Variants in WDR70 observed in about 807,000 individuals in gnomAD.
WDR70 encodes the protein WD repeat-containing protein 70.
WDR70 carries 53 observed loss-of-function variants against 88.6 expected under a neutral mutation model. The ratio of observed to expected loss-of-function variants is 0.60; its 90% CI spans 0.48 to 0.75. The LOEUF (loss-of-function observed/expected upper bound fraction) is 0.75, where lower values mean the gene tolerates loss of function less well. WDR70 is among the 30% of genes least tolerant of loss of function. The pLI is 0.00. For missense variants in WDR70, 610 were observed against 823.2 expected, an observed-to-expected ratio of 0.74 and a Z score of 3.17; for synonymous variants, 280 against 270.0, an observed-to-expected ratio of 1.04 and a Z score of -0.36.
chr5:37,551,053 C>T (rs2112348661), intron 9 of WDR70, among the ~76,000 whole-genome samples: 1 of 152,234 alleles, frequency 6.6e-6, no homozygotes, highest in South Asian at 2.1e-4. Flanking sequence ...GCCTGTAATC[C>T]CAGCACTTTG....
intron 9 of WDR70, among the ~76,000 whole-genome samples, chr5:37,565,728 A>G (rs1226344710): frequency 6.6e-6 from 1 of 152,108 alleles, no homozygotes; most frequent in Non-Finnish European, 1.5e-5. Flanking sequence ...AAAATCTTCA[A>G]TTGTTTAGTG....
At chr5:37,432,237 A>G (rs1012336152) in intron 5 of WDR70, among the ~76,000 whole-genome samples, 9 of 152,318 alleles carry the variant, frequency 5.9e-5, no homozygotes, top group South Asian at 2.1e-4. Context: ...TTTATTTGAT[A>G]GTAAAAGTTT....
intron 7 of WDR70, among the ~76,000 whole-genome samples, chr5:37,478,586 A>G (rs1232699839): frequency 6.6e-6 from 1 of 152,230 alleles, no homozygotes; most frequent in East Asian, 1.9e-4. Context: ...CATTGTGAAG[A>G]TGGGGAAATT....
At chr5:37,469,290 A>T (rs1229660100) in intron 7 of WDR70, among the ~76,000 whole-genome samples, 1 of 152,190 alleles carries the variant, frequency 6.6e-6, no homozygotes, top group African/African-American at 2.4e-5. Context: ...TCCTGCTGAT[A>T]CAGGACCAAA....
At chr5:37,602,758 C>T (rs1317134107) in intron 9 of WDR70, among the ~76,000 whole-genome samples, 1 of 151,966 alleles carries the variant, frequency 6.6e-6, no homozygotes, top group East Asian at 1.9e-4. Flanking sequence ...GCGGGTGGAT[C>T]ACAAGGTCAG....
intron 8 of WDR70, among the ~76,000 whole-genome samples, chr5:37,512,575 C>G (rs1459021329): frequency 1.3e-5 from 2 of 148,320 alleles, no homozygotes; most frequent in Non-Finnish European, 3.0e-5. Context: ...CACAGAATTG[C>G]ATCTAGAATT....
chr5:37,625,072 G>C (rs896856256), intron 10 of WDR70, among the ~76,000 whole-genome samples: 1 of 152,156 alleles, frequency 6.6e-6, no homozygotes, highest in Non-Finnish European at 1.5e-5. Flanking sequence ...AGTTTCTATG[G>C]CTAGCTTCTG....
At chr5:37,388,958 A>G (rs1444691569) in intron 3 of WDR70, among the ~76,000 whole-genome samples, 1 of 152,076 alleles carries the variant, frequency 6.6e-6, no homozygotes, top group East Asian at 1.9e-4. Context: ...TTTCCTGATT[A>G]GTAATATAAT....
intron 13 of WDR70, among the ~76,000 whole-genome samples, chr5:37,713,801 A>G (rs1043106554): frequency 5.3e-5 from 8 of 152,146 alleles, no homozygotes; most frequent in Non-Finnish European, 1.2e-4. Context: ...ATCACATCCC[A>G]CTGATGGACC....
chr5:37,478,140 A>G (rs1046920528), intron 7 of WDR70, among the ~76,000 whole-genome samples: 5 of 152,214 alleles, frequency 3.3e-5, no homozygotes, highest in South Asian at 2.1e-4. Flanking sequence ...CTTTCACGCT[A>G]TAGTCTTTAA....
chr5:37,729,995 A>C (rs796320589), intron 17 of WDR70, among the ~76,000 whole-genome samples: 12 of 152,152 alleles, frequency 7.9e-5, no homozygotes, highest in African/African-American at 2.9e-4. Flanking sequence ...ATCTTCTTAC[A>C]TCCCCGTATT....
rs370830073 is a variant in WDR70 at position 37,479,827 on chromosome 5, C to T, written c.687-7C>T. ...ATCTTACCAACTTTCCTTTTCTTTT[C>T]GTACAGCCATCAGATCAAGTCATTA... On this transcript the variant is annotated splice_region_variant and splice_polypyrimidine_tract_variant and intron_variant, in intron 7 of 17. Coordinates refer to ENST00000265107, the MANE Select transcript of WDR70 (RefSeq NM_018034.4). 22 of 1,601,916 alleles carry T rather than the reference C, an allele frequency of 1.4e-5. No individual in the cohort carries two copies. Among genetic ancestry groups the T allele is most frequent in the African/African-American group, 4.0e-5 (3 of 74,150 alleles).
At chr5:37,551,768 G>GTTTTTTTTT (rs1176757597) in intron 9 of WDR70, among the ~76,000 whole-genome samples, 1 of 92,728 alleles carries the variant, frequency 1.1e-5, no homozygotes, top group Admixed American at 1.4e-4. Flanking sequence ...TCATTGTTTA[G>GTTTTTTTTT]TTTTTTTTTT....
At chr5:37,425,143 G>A (rs1257919117) in intron 5 of WDR70, among the ~76,000 whole-genome samples, 1 of 152,182 alleles carries the variant, frequency 6.6e-6, no homozygotes, top group Non-Finnish European at 1.5e-5. Context: ...CCACTCAGGC[G>A]GCTAAGGTGG....
intron 5 of WDR70, among the ~76,000 whole-genome samples, chr5:37,414,309 T>C (rs1749625554): frequency 6.6e-5 from 10 of 152,184 alleles, no homozygotes; most frequent in Admixed American, 6.5e-4. Context: ...TCTAGCCACA[T>C]TGATCTTTCT....
At chr5:37,417,440 G>C (rs140183657) in intron 5 of WDR70, among the ~76,000 whole-genome samples, 1 of 151,902 alleles carries the variant, frequency 6.6e-6, no homozygotes, top group African/African-American at 2.4e-5. Flanking sequence ...GCCCAGGCTG[G>C]TCTCGAACTC....
intron 8 of WDR70, among the ~76,000 whole-genome samples, chr5:37,493,238 A>C (rs148005811): frequency 6.6e-6 from 1 of 152,180 alleles, no homozygotes; most frequent in Non-Finnish European, 1.5e-5. Context: ...GTCTGTCACA[A>C]TGTGGCTACA....
intron 5 of WDR70, among the ~76,000 whole-genome samples, chr5:37,400,260 G>A (rs1425667304): frequency 1.3e-5 from 2 of 152,048 alleles, no homozygotes; most frequent in African/African-American, 4.8e-5. Flanking sequence ...TAAAAGATAA[G>A]TAATACAAAT....
chr5:37,381,626 T>A lies in WDR70; in HGVS notation c.116T>A (p.Leu39Ter). Residue 39 changes from leucine (L) to a stop codon, truncating the protein, a stop_gained, in exon 3 of 18, where the codon TTG becomes TAG. Transcript: ENST00000265107. LOFTEE classifies it high-confidence loss of function. ...GGTAAAAAAGCTCGCACATTTGACT[T>A]GGAAGCAATGTTTGAACAAACTCGA... ...GFGKKARTFDLEAMFEQTRRT... is the reference protein window; with the variant it reads ...GFGKKARTFD The A allele has an allele frequency of 6.2e-7, 1 of 1,611,926 alleles. No homozygotes were observed. Among genetic ancestry groups the A allele is most frequent in the South Asian group, 1.1e-5 (1 of 91,040 alleles).
Sources: allele counts gnomAD v4.1 joint callset (sites outside exome capture counted in the v4.1 genomes callset), GRCh38; gene constraint gnomAD v4.1.1; transcripts MANE v1.5; gene names NCBI Gene and HGNC (gene_info 2026-07-23, HGNC 2026-07-21).